Variants in HECW1 observed in about 807,000 individuals in gnomAD.
The protein encoded by HECW1 is E3 ubiquitin-protein ligase HECW1.
In HECW1, 61 loss-of-function variants were observed where a neutral mutation model predicts 182.3. The observed-to-expected ratio is 0.33, with a 90% CI of 0.27 to 0.41. The LOEUF is 0.41. Ranked by LOEUF, HECW1 falls within the 10% of genes least tolerant of loss-of-function variation. The pLI, the probability that HECW1 is intolerant of heterozygous loss-of-function variation, is 1.00. For missense variants in HECW1, 1,739 were observed against 2,108.9 expected (o/e 0.82, Z 3.44); for synonymous variants, 859 against 832.6 (o/e 1.03, Z -0.55).
intron 26 of HECW1, among the ~76,000 whole-genome samples, chr7:43,546,487 C>A (rs1400664925): frequency 6.6e-6 from 1 of 151,824 alleles, no homozygotes; most frequent in Non-Finnish European, 1.5e-5. Context: ...TGTAATGAGA[C>A]ATAAAGTTCC....
At chr7:43,470,715 C>T (rs1192469819) in intron 16 of HECW1, among the ~76,000 whole-genome samples, 1 of 150,866 alleles carries the variant, frequency 6.6e-6, no homozygotes, top group Non-Finnish European at 1.5e-5. Context: ...ATGACACAAA[C>T]TAGCTGTGTG....
intron 8 of HECW1, among the ~76,000 whole-genome samples, chr7:43,421,669 GAGA>G (rs1313738332): frequency 1.3e-5 from 2 of 152,188 alleles, no homozygotes; most frequent in Admixed American, 1.3e-4. Flanking sequence ...CTAAACCTAT[GAGA>G]AGGTGTTTAA....
chr7:43,127,933 T>C (rs185665043), intron 2 of HECW1, among the ~76,000 whole-genome samples: 1 of 152,058 alleles, frequency 6.6e-6, no homozygotes, highest in Admixed American at 6.6e-5. Context: ...GACTGGCATG[T>C]AGTAGCATGA....
intron 11 of HECW1, among the ~76,000 whole-genome samples, chr7:43,447,552 G>C (rs1427375253): frequency 6.6e-6 from 1 of 152,132 alleles, no homozygotes; most frequent in South Asian, 2.1e-4. Flanking sequence ...AGATTCCCGA[G>C]GGGTCTCTTG....
At chr7:43,158,420 T>G (rs1455420719) in intron 2 of HECW1, among the ~76,000 whole-genome samples, 1 of 152,174 alleles carries the variant, frequency 6.6e-6, no homozygotes, top group Non-Finnish European at 1.5e-5. Flanking sequence ...AATAAGAACT[T>G]ACCCATTATC....
chr7:43,271,105 G>A (rs568606682), intron 3 of HECW1, among the ~76,000 whole-genome samples: 1 of 152,224 alleles, frequency 6.6e-6, no homozygotes, highest in Non-Finnish European at 1.5e-5. Context: ...ATGTACATGT[G>A]TTGTATGTAT....
intron 6 of HECW1, among the ~76,000 whole-genome samples, chr7:43,391,917 C>T (rs2075044321): frequency 1.3e-5 from 2 of 151,986 alleles, no homozygotes; most frequent in Non-Finnish European, 2.9e-5. Context: ...TTTAAGGTGG[C>T]TTTGAGGCCT....
chr7:43,219,781 C>G (rs1456134948), intron 2 of HECW1, among the ~76,000 whole-genome samples: 1 of 152,186 alleles, frequency 6.6e-6, no homozygotes, highest in Non-Finnish European at 1.5e-5. Context: ...ACAGGGCTGT[C>G]TGCTTGTGGA....
At chr7:43,261,277 T>C (rs1228115752) in intron 3 of HECW1, among the ~76,000 whole-genome samples, 3 of 152,286 alleles carry the variant, frequency 2.0e-5, no homozygotes, top group Non-Finnish European at 2.9e-5. Context: ...TGCCTTTTTT[T>C]CCCCTTAAAC....
intron 2 of HECW1, among the ~76,000 whole-genome samples, chr7:43,182,343 A>C (rs924367469): frequency 1.3e-5 from 2 of 152,194 alleles, no homozygotes; most frequent in Non-Finnish European, 2.9e-5. Context: ...GGTGAGAGGT[A>C]AGTGTTAAGT....
chr7:43,157,530 G>T (rs1188889103), intron 2 of HECW1, among the ~76,000 whole-genome samples: 1 of 152,098 alleles, frequency 6.6e-6, no homozygotes, highest in African/African-American at 2.4e-5. Flanking sequence ...CTGTCACAGG[G>T]TTTACATTTA....
intron 2 of HECW1, among the ~76,000 whole-genome samples, chr7:43,177,364 T>A (rs1298950093): frequency 6.6e-6 from 1 of 152,180 alleles, no homozygotes; most frequent in Admixed American, 6.5e-5. Flanking sequence ...TCACCCTTCA[T>A]TCAAAAAGGT....
chr7:43,379,364 C>T (rs2074457270), intron 6 of HECW1, among the ~76,000 whole-genome samples: 1 of 152,206 alleles, frequency 6.6e-6, no homozygotes, highest in South Asian at 2.1e-4. Flanking sequence ...GCTGTGCCTC[C>T]TTCCAGTGAC....
chr7:43,319,542 G>A (rs1250195454), intron 4 of HECW1, among the ~76,000 whole-genome samples: 5 of 79,464 alleles, frequency 6.3e-5, no homozygotes, highest in African/African-American at 2.7e-4. Flanking sequence ...CCCACCCGCC[G>A]GCCTCCTTCC....
chr7:43,226,709 C>T (rs1010980953), intron 2 of HECW1, among the ~76,000 whole-genome samples: 7 of 140,286 alleles, frequency 5.0e-5, no homozygotes, highest in Admixed American at 4.9e-4. Flanking sequence ...GCCTGACCCT[C>T]CTGAAAGAGA....
intron 17 of HECW1, among the ~76,000 whole-genome samples, chr7:43,488,434 GAGAA>G (rs796394625): frequency 0.038 from 3,515 of 93,086 alleles, 157 homozygotes; most frequent in African/African-American, 0.064. Flanking sequence ...AAGAAAGAAA[GAGAA>G]AGAAAGAAAG....
chr7:43,150,972 C>T, intron 2 of HECW1: 1 of 155,072 alleles, frequency 6.4e-6, no homozygotes, highest in Non-Finnish European at 1.5e-5. Context: ...GGGGGGTGGG[C>T]CACGGCTGGC....
At chr7:43,328,986 G>A (rs73689985) in intron 5 of HECW1, among the ~76,000 whole-genome samples, 338 of 152,284 alleles carry the variant, frequency 2.2e-3, no homozygotes, top group African/African-American at 7.8e-3. Context: ...CTCAGATCTA[G>A]ACATGCAGGC....
intron 3 of HECW1, among the ~76,000 whole-genome samples, chr7:43,246,344 A>T (rs947633017): frequency 1.3e-5 from 2 of 152,220 alleles, no homozygotes; most frequent in African/African-American, 4.8e-5. Flanking sequence ...TTAATTGACC[A>T]CTTAATGTAT....
Sources: gnomAD v4.1 joint callset for allele counts (sites outside exome capture counted in the v4.1 genomes callset) on GRCh38, gnomAD v4.1.1 for gene constraint, MANE v1.5 for transcripts, NCBI Gene and HGNC (gene_info 2026-07-23, HGNC 2026-07-21) for gene names.